Variants in GAD2 observed in about 807,000 individuals in gnomAD.
GAD2 encodes 65 kDa glutamic acid decarboxylase.
A neutral mutation model predicts 80.1 loss-of-function variants in GAD2; 22 were observed. The observed-to-expected ratio is 0.27, with a 90% confidence interval of 0.20 to 0.39. The LOEUF (loss-of-function observed/expected upper bound fraction) is 0.39, where lower values mean the gene tolerates loss of function less well. Among genes scored for constraint, GAD2 ranks in the 10% least tolerant of loss-of-function variants. The pLI is 1.00. For missense variants in GAD2, 624 were observed against 738.4 expected (o/e 0.85, Z 1.80); for synonymous variants, 274 against 256.9 (o/e 1.07, Z -0.64).
chr10:26,280,299 G>A (rs1020741702), intron 11 of GAD2, among the ~76,000 whole-genome samples: 6 of 152,184 alleles, frequency 3.9e-5, no homozygotes, highest in East Asian at 1.9e-4. Flanking sequence ...GAGGACGCAC[G>A]CCCGTGACAC....
intron 6 of GAD2, chr10:26,224,894 C>T (rs527702488): frequency 4.6e-5 from 21 of 461,042 alleles, no homozygotes; most frequent in African/African-American, 3.4e-4. Context: ...TGGTACTTAC[C>T]CAGTGCTTCT....
chr10:26,249,650 G>A (rs1463364867), intron 8 of GAD2, among the ~76,000 whole-genome samples: 2 of 152,010 alleles, frequency 1.3e-5, no homozygotes, highest in African/African-American at 2.4e-5. Context: ...TCAAAGCATC[G>A]GCATCACTGC....
At chr10:26,286,962 T>G (rs1360645153) in intron 13 of GAD2, among the ~76,000 whole-genome samples, 1 of 150,868 alleles carries the variant, frequency 6.6e-6, no homozygotes, top group Non-Finnish European at 1.5e-5. Flanking sequence ...GCTTTTTATT[T>G]CCCCCTAATC....
chr10:26,267,942 C>T (rs1845091045), intron 8 of GAD2, among the ~76,000 whole-genome samples: 1 of 152,168 alleles, frequency 6.6e-6, no homozygotes, highest in African/African-American at 2.4e-5. Context: ...CCAGTGCTTG[C>T]TGTATGTCTA....
intron 8 of GAD2, among the ~76,000 whole-genome samples, chr10:26,258,671 T>C (rs568402556): frequency 1.3e-5 from 2 of 152,344 alleles, no homozygotes; most frequent in East Asian, 1.9e-4. Context: ...TTTCACAATG[T>C]CCTCAAGGTT....
At chr10:26,281,472 A>G (rs948470645) in intron 12 of GAD2, among the ~76,000 whole-genome samples, 5 of 152,076 alleles carry the variant, frequency 3.3e-5, no homozygotes, top group Non-Finnish European at 7.4e-5. Flanking sequence ...TATACATGAT[A>G]TAGGATTAAG....
intron 8 of GAD2, among the ~76,000 whole-genome samples, chr10:26,246,694 T>C (rs1844814417): frequency 6.6e-6 from 1 of 152,250 alleles, no homozygotes; most frequent in African/African-American, 2.4e-5. Flanking sequence ...GTGTACTGAT[T>C]GCCCACCATG....
intron 7 of GAD2, among the ~76,000 whole-genome samples, chr10:26,238,660 C>T (rs946341473): frequency 2.3e-4 from 35 of 152,216 alleles, no homozygotes; most frequent in African/African-American, 7.2e-4. Flanking sequence ...ACATCACCTG[C>T]GAATCACACA....
chr10:26,252,715 A>G (rs1195039324), intron 8 of GAD2, among the ~76,000 whole-genome samples: 1 of 148,658 alleles, frequency 6.7e-6, no homozygotes, highest in South Asian at 2.1e-4. Flanking sequence ...CTGGAGTGCA[A>G]TGGCGCAACC....
chr10:26,288,039 TG>T (rs1453727724), intron 13 of GAD2, among the ~76,000 whole-genome samples: 1 of 152,202 alleles, frequency 6.6e-6, no homozygotes, highest in Non-Finnish European at 1.5e-5. Context: ...CTTATGCTTT[TG>T]TTTATAATTT....
intron 8 of GAD2, among the ~76,000 whole-genome samples, chr10:26,259,009 G>T (rs999225074): frequency 6.6e-6 from 1 of 151,984 alleles, no homozygotes; most frequent in African/African-American, 2.4e-5. Context: ...GTAGAGACAG[G>T]GTTTCACCAT....
At chr10:26,230,323 C>T (rs1038722489) in intron 7 of GAD2, among the ~76,000 whole-genome samples, 1 of 152,180 alleles carries the variant, frequency 6.6e-6, no homozygotes, top group Admixed American at 6.5e-5. Flanking sequence ...ATGCTACGCC[C>T]ATGTAAGCAA....
intron 7 of GAD2, among the ~76,000 whole-genome samples, chr10:26,238,046 AC>A (rs1040574290): frequency 2.0e-5 from 3 of 148,466 alleles, no homozygotes; most frequent in African/African-American, 5.0e-5. Context: ...ACACACACAC[AC>A]AAGAAAAGAA....
chr10:26,227,881 A>G (rs11015004), intron 6 of GAD2, among the ~76,000 whole-genome samples: 19,151 of 152,220 alleles, frequency 0.13, 4,007 homozygotes, highest in African/African-American at 0.43. Flanking sequence ...CCTGTCCTGT[A>G]TCTCTAGAGT....
At chr10:26,280,823 T>A (rs1192673558) in intron 11 of GAD2, among the ~76,000 whole-genome samples, 186 bp from the exon 12 acceptor site, 2 of 152,040 alleles carry the variant, frequency 1.3e-5, no homozygotes, top group Non-Finnish European at 2.9e-5. Context: ...CTACGCACTA[T>A]ATACGTGTAA....
intron 13 of GAD2, among the ~76,000 whole-genome samples, chr10:26,289,329 A>C (rs1834187977): frequency 6.6e-6 from 1 of 152,236 alleles, no homozygotes; most frequent in Non-Finnish European, 1.5e-5. Context: ...GGAAGAACAT[A>C]GCATTAATTC....
chr10:26,241,061 G>C (rs781284669), intron 7 of GAD2, among the ~76,000 whole-genome samples: 10 of 151,974 alleles, frequency 6.6e-5, no homozygotes, highest in Non-Finnish European at 1.3e-4. Context: ...AAAAAAAAGA[G>C]AGAGTGAGAG....
At chr10:26,270,121 A>G (rs1458581822) in intron 9 of GAD2, among the ~76,000 whole-genome samples, 1 of 152,234 alleles carries the variant, frequency 6.6e-6, no homozygotes, top group Non-Finnish European at 1.5e-5. Flanking sequence ...AGTTAGACGG[A>G]TAAAAGTCAT....
rs76100236 is a variant in GAD2 at position 26,255,201 on chromosome 10, A to G, written c.920+9201A>G. 8.6e-4 allele frequency among the ~76,000 whole-genome samples: 131 copies of G among 152,360 alleles called. 1 individual carries two copies. Among genetic ancestry groups the G allele is most frequent in the Non-Finnish European group, 1.1e-3 (78 of 68,034 alleles). On this transcript the variant is annotated intron_variant, in intron 8 of 15. Transcript: ENST00000376261. ...GCAGCCAGAGTTGTCAGAGAATCAG[A>G]AACCGGGGCCACGAGGGCCATGAGA...
Sources: allele counts gnomAD v4.1 joint callset (sites outside exome capture counted in the v4.1 genomes callset), GRCh38; gene constraint gnomAD v4.1.1; transcripts MANE v1.5; gene names NCBI Gene and HGNC (gene_info 2026-07-23, HGNC 2026-07-21).